The following LMAN2L variants were observed in gnomAD, a reference collection of about 807,000 sequenced individuals.
LMAN2L encodes lectin, mannose binding 2 like.
Under a neutral mutation model 44.3 loss-of-function variants are expected in LMAN2L, and 30 were observed. That is an observed-to-expected ratio of 0.68 (90% CI 0.51 to 0.92). The LOEUF is 0.92. Ranked by LOEUF, LMAN2L falls within the 40% of genes least tolerant of loss-of-function variation. The probability of loss-of-function intolerance (pLI) is 0.00; values close to 1 mark genes in which losing one functional copy is unlikely to be tolerated. For synonymous variants in LMAN2L, 183 were observed against 171.1 expected (o/e 1.07, Z -0.54); for missense variants, 429 against 446.1 (o/e 0.96, Z 0.35).
At chr2:96,719,664 C>T (rs896535118) in intron 4 of LMAN2L, among the ~76,000 whole-genome samples, 4 of 152,048 alleles carry the variant, frequency 2.6e-5, no homozygotes, top group African/African-American at 7.2e-5. Context: ...GGCGTAATCT[C>T]GGCTCACTGC....
chr2:96,707,593 A>C (rs1279582930), intron 7 of LMAN2L, 121 bp downstream of exon 7: 2 of 1,334,186 alleles, frequency 1.5e-6, no homozygotes, highest in Admixed American at 2.2e-5. Context: ...AAGGCAGATG[A>C]AAGTGCTCCC....
intron 4 of LMAN2L, among the ~76,000 whole-genome samples, chr2:96,716,547 T>C (rs980399144): frequency 6.6e-6 from 1 of 152,240 alleles, no homozygotes; most frequent in African/African-American, 2.4e-5. Flanking sequence ...ACTAAGATGT[T>C]TGCAAAATGT....
chr2:96,707,657 A>G, intron 7 of LMAN2L, 57 bp downstream of exon 7: 5 of 1,604,528 alleles, frequency 3.1e-6, no homozygotes, highest in Non-Finnish European at 4.3e-6. Flanking sequence ...CTATGGGTAC[A>G]GCACTGCAAG....
At chr2:96,735,007 C>T (rs544409358) in intron 2 of LMAN2L, among the ~76,000 whole-genome samples, 10 of 151,220 alleles carry the variant, frequency 6.6e-5, no homozygotes, top group Middle Eastern at 3.4e-3. Flanking sequence ...GTTATGCAAA[C>T]GTTTCCAGGA....
intron 4 of LMAN2L, among the ~76,000 whole-genome samples, chr2:96,733,300 A>G (rs990635178): frequency 6.6e-6 from 1 of 152,184 alleles, no homozygotes; most frequent in Non-Finnish European, 1.5e-5. Flanking sequence ...GATTATCACT[A>G]AAGAAAAAGC....
At chr2:96,733,127 G>A (rs2078441747) in intron 4 of LMAN2L, among the ~76,000 whole-genome samples, 1 of 152,198 alleles carries the variant, frequency 6.6e-6, no homozygotes, top group Non-Finnish European at 1.5e-5. Context: ...GCTGAAAAGT[G>A]TGTGCAAGTT....
At chr2:96,738,158 T>A in intron 1 of LMAN2L, 91 bp from the exon 2 acceptor site, 1 of 814,288 alleles carries the variant, frequency 1.2e-6, no homozygotes, top group Middle Eastern at 2.4e-4. Flanking sequence ...TGAGCCATCA[T>A]CTTTTTCCCC....
At position 96,734,455 on chromosome 2, in the gene LMAN2L, A is replaced by C. The variant is rs757385448; in HGVS notation, c.378T>G (p.His126Gln). 5.6e-6 allele frequency: 9 copies of C among 1,613,906 alleles called. No homozygotes were observed. In the South Asian group the frequency reaches 8.8e-5, roughly 16 times the overall value. The change falls in exon 3 of 8, where the codon CAT (histidine) becomes CAG (glutamine). Residue 126 changes from histidine to glutamine, a missense_variant. His to Gln is a conservative substitution (Grantham distance 24). Transcript: ENST00000264963. ...TGTACCAGATTGCCAAGCCATCCCC[A>C]TGCAGATTCTTCTTTCCTTGTCCAT... ...KIHGQGKKNL[H>Q]GDGLAIWYTK...
At chr2:96,721,635 G>C (rs958259148) in intron 4 of LMAN2L, among the ~76,000 whole-genome samples, 9 of 151,836 alleles carry the variant, frequency 5.9e-5, no homozygotes, top group Non-Finnish European at 1.2e-4. Flanking sequence ...AAAGTAGCTG[G>C]GACCAGCTAA....
chr2:96,724,205 A>G (rs1429124492), intron 4 of LMAN2L, among the ~76,000 whole-genome samples: 2 of 152,240 alleles, frequency 1.3e-5, no homozygotes, highest in Non-Finnish European at 2.9e-5. Context: ...AGATGCCAGT[A>G]GCACACTGTC....
chr2:96,720,881 G>A (rs895335655), intron 4 of LMAN2L, among the ~76,000 whole-genome samples: 1 of 152,158 alleles, frequency 6.6e-6, no homozygotes, highest in Non-Finnish European at 1.5e-5. Flanking sequence ...GGACGTTGCA[G>A]TGAGCCAAGA....
At chr2:96,739,408 G>A (rs2153338543) in intron 1 of LMAN2L, among the ~76,000 whole-genome samples, 1 of 152,304 alleles carries the variant, frequency 6.6e-6, no homozygotes, top group East Asian at 1.9e-4. Context: ...CTAGGCTGGA[G>A]AAGAGAAGGT....
chr2:96,734,518 G>A lies in LMAN2L; in HGVS notation c.315C>T (p.Phe105=), dbSNP rs201764028. 7.9e-5 allele frequency: 127 copies of A among 1,599,066 alleles called. No individual in the cohort carries two copies. Among genetic ancestry groups the A allele is most frequent in the Admixed American group, 1.7e-4 (10 of 59,978 alleles). ...QGALWNRVPC[F]LRDWELQVHF... Reference sequence around the variant, plus strand: ...GCACCTGCAACTCCCAGTCTCTCAGGAAACATGGCTAAAGTGAGAAAGACA... The same window carrying A: ...GCACCTGCAACTCCCAGTCTCTCAGAAAACATGGCTAAAGTGAGAAAGACA... The change falls in exon 3 of 8, where the codon TTC becomes TTT. Residue 105 remains phenylalanine, a synonymous_variant. Coordinates refer to ENST00000264963, the MANE Select transcript of LMAN2L (RefSeq NM_030805.4).
At chr2:96,710,487 G>A (rs888582566) in intron 6 of LMAN2L, among the ~76,000 whole-genome samples, 1 of 152,164 alleles carries the variant, frequency 6.6e-6, no homozygotes, top group South Asian at 2.1e-4. Context: ...CCAACATGGT[G>A]AAACCCCGTT....
intron 4 of LMAN2L, among the ~76,000 whole-genome samples, chr2:96,717,271 G>A (rs2078058510): frequency 1.3e-5 from 2 of 151,888 alleles, no homozygotes; most frequent in South Asian, 2.1e-4. Flanking sequence ...CAGGTGTGGT[G>A]GCTCACACCT....
intron 7 of LMAN2L, 109 bp from the exon 8 acceptor site, chr2:96,707,507 G>A: frequency 7.4e-7 from 1 of 1,350,738 alleles, no homozygotes; most frequent in East Asian, 2.5e-5. Flanking sequence ...CTTCTGGGAA[G>A]CCAGAGCTTA....
In LMAN2L at chr2:96,711,958, C is replaced by T; in HGVS notation, c.575G>A (p.Gly192Glu). The change falls in exon 5 of 8, where the codon GGG (glycine) becomes GAG (glutamate). Residue 192 changes from glycine to glutamate, a missense_variant. By Grantham distance (98) the Gly-to-Glu change is moderately conservative (BLOSUM62 -2). Coordinates refer to ENST00000264963, the MANE Select transcript of LMAN2L (RefSeq NM_030805.4). ...GCAGCCTCCCAGCTCTGTAGGCCGC[C>T]CATCCCGCTCATGATCATAGCTGAG... is the stretch of plus-strand genomic sequence containing the variant. ...GSLSYDHERD[G>E]RPTELGGCTA... 6.2e-7 allele frequency: 1 copy of T among 1,614,164 alleles called. No individual in the cohort carries two copies. Among genetic ancestry groups the T allele is most frequent in the Non-Finnish European group, 8.5e-7 (1 of 1,180,030 alleles).
At chr2:96,733,116 A>G (rs572246369) in intron 4 of LMAN2L, among the ~76,000 whole-genome samples, 1 of 152,312 alleles carries the variant, frequency 6.6e-6, no homozygotes, top group South Asian at 2.1e-4. Flanking sequence ...AAGAAAAAGA[A>G]GCTGAAAAGT....
chr2:96,712,073 A>T (rs1438152120), intron 4 of LMAN2L, 48 bp from the exon 5 acceptor site: 15 of 1,588,126 alleles, frequency 9.4e-6, no homozygotes, highest in Non-Finnish European at 1.3e-5. Flanking sequence ...AGCACATAGG[A>T]ACGCCTGTAC....
Sources: allele counts gnomAD v4.1 joint callset (sites outside exome capture counted in the v4.1 genomes callset), GRCh38; gene constraint gnomAD v4.1.1; transcripts MANE v1.5; gene names NCBI Gene and HGNC (gene_info 2026-07-23, HGNC 2026-07-21).